The following PAK1 variants were observed in gnomAD, a reference collection of about 807,000 sequenced individuals.
The protein encoded by PAK1 is serine/threonine-protein kinase PAK 1.
PAK1 carries 29 observed loss-of-function variants against 67.4 expected under a neutral mutation model. That is an observed-to-expected ratio of 0.43 (90% confidence interval 0.32 to 0.59). The LOEUF is 0.59. Ranked by LOEUF, PAK1 falls within the 20% of genes least tolerant of loss-of-function variation. The pLI is 0.07. For synonymous variants in PAK1, 223 were observed against 237.4 expected (o/e 0.94, Z 0.56); for missense variants, 337 against 670.7 (o/e 0.50, Z 5.50).
intron 13 of PAK1, among the ~76,000 whole-genome samples, chr11:77,334,207 T>A (rs537119527): frequency 9.3e-5 from 14 of 150,962 alleles, no homozygotes; most frequent in African/African-American, 3.4e-4. Context: ...AATAAAAAAA[T>A]ATGCCTATGT....
At chr11:77,349,854 T>G (rs1428300578) in intron 8 of PAK1, among the ~76,000 whole-genome samples, 1 of 151,580 alleles carries the variant, frequency 6.6e-6, no homozygotes, top group Non-Finnish European at 1.5e-5. Flanking sequence ...TTTCAGAATG[T>G]GTTTGGGGGT....
intron 10 of PAK1, 140 bp downstream of exon 10, chr11:77,343,679 C>A: frequency 1.6e-6 from 1 of 644,000 alleles, no homozygotes; most frequent in Non-Finnish European, 2.8e-6. Context: ...TACACAGGGT[C>A]ACATACAGAG....
intron 1 of PAK1, among the ~76,000 whole-genome samples, chr11:77,429,056 TAAAAAAAAAAAA>T (rs566874549): frequency 0.014 from 668 of 48,926 alleles, 13 homozygotes; most frequent in African/African-American, 0.037. Context: ...CATTTAATAC[TAAAAAAAAAAAA>T]AAAAAAAAAA....
intron 1 of PAK1, among the ~76,000 whole-genome samples, chr11:77,409,111 A>T (rs931561156): frequency 2.7e-5 from 4 of 150,414 alleles, no homozygotes; most frequent in African/African-American, 7.3e-5. Flanking sequence ...AAAAAAAAAA[A>T]TTTTTTTTTT....
intron 1 of PAK1, among the ~76,000 whole-genome samples, chr11:77,465,110 G>A (rs950385362): frequency 3.9e-5 from 6 of 152,084 alleles, no homozygotes; most frequent in South Asian, 2.1e-4. Context: ...TCAATTATCC[G>A]GCAAGTGGCA....
intron 13 of PAK1, among the ~76,000 whole-genome samples, chr11:77,334,741 C>G (rs1438010002): frequency 6.6e-6 from 1 of 152,136 alleles, no homozygotes; most frequent in Non-Finnish European, 1.5e-5. Context: ...AGCACACAGA[C>G]ATCATCTTTT....
the PAK1 span, among the ~76,000 whole-genome samples, chr11:77,527,200 T>C: frequency 1.3e-5 from 2 of 152,036 alleles, no homozygotes; most frequent in Non-Finnish European, 2.9e-5. Context: ...CCTCCCAGGC[T>C]CAAGGAATCC....
At chr11:77,397,951 A>G (rs1036737771) in intron 1 of PAK1, among the ~76,000 whole-genome samples, 1 of 152,186 alleles carries the variant, frequency 6.6e-6, no homozygotes. Flanking sequence ...CTTCCCAGCA[A>G]AACTCAAACC....
chr11:77,493,910 T>A, the PAK1 span, among the ~76,000 whole-genome samples: 1 of 152,202 alleles, frequency 6.6e-6, no homozygotes, highest in Non-Finnish European at 1.5e-5. Flanking sequence ...ATTATTTCTG[T>A]CATATTTGGT....
chr11:77,342,053 T>A (rs1412493403), intron 10 of PAK1, among the ~76,000 whole-genome samples: 2 of 152,178 alleles, frequency 1.3e-5, no homozygotes, highest in Non-Finnish European at 2.9e-5. Flanking sequence ...TCACTAATGT[T>A]ATTAGGAGGT....
rs115790932 is a variant in PAK1 at position 77,473,613 on chromosome 11, A to C, written c.-83T>G. Reference sequence around the variant, plus strand: ...CTCCTCCCGGCGGTGGGTGCCGCCTAGCCGGGAGTGAGGGCGCGAGTGTGC... The same window carrying C: ...CTCCTCCCGGCGGTGGGTGCCGCCTCGCCGGGAGTGAGGGCGCGAGTGTGC... On this transcript the variant is annotated 5_prime_UTR_variant, in exon 1 of 15. Coordinates refer to ENST00000356341, the MANE Select transcript of PAK1 (RefSeq NM_002576.5). 0.023 allele frequency: 3,461 copies of C among 152,612 alleles called. 148 individuals are homozygous for C. Among genetic ancestry groups the C allele is most frequent in the African/African-American group, 0.08 (3,307 of 41,438 alleles). The allele number at this position is 152,612 out of a possible 1,614,324, so 9.5% of individuals were successfully genotyped here. A position where few individuals can be genotyped will look rare whatever the true frequency, so the allele number is the denominator to read the frequency against.
intron 1 of PAK1, among the ~76,000 whole-genome samples, chr11:77,432,706 A>C (rs1215252406): frequency 1.3e-5 from 2 of 152,162 alleles, no homozygotes; most frequent in African/African-American, 4.8e-5. Flanking sequence ...AATCTTGTAT[A>C]TAGAAAATTC....
intron 2 of PAK1, among the ~76,000 whole-genome samples, chr11:77,391,320 G>A (rs896698873): frequency 1.3e-5 from 2 of 152,200 alleles, no homozygotes; most frequent in Non-Finnish European, 2.9e-5. Flanking sequence ...AATACCTTCT[G>A]TGTGGAAGGT....
the PAK1 span, among the ~76,000 whole-genome samples, chr11:77,494,590 TAAAA>T: frequency 7.7e-6 from 1 of 130,564 alleles, no homozygotes; most frequent in Admixed American, 7.7e-5. Flanking sequence ...TAGCTACTAT[TAAAA>T]AAAAAAAAAA....
chr11:77,455,282 T>C (rs1957034165), intron 1 of PAK1, among the ~76,000 whole-genome samples: 1 of 147,496 alleles, frequency 6.8e-6, no homozygotes, highest in African/African-American at 2.6e-5. Flanking sequence ...CTTTCTAGCC[T>C]AGTAGGCACT....
At chr11:77,349,187 CA>C in intron 9 of PAK1, 51 bp downstream of exon 9, 1 of 1,387,502 alleles carries the variant, frequency 7.2e-7, no homozygotes, top group Admixed American at 1.9e-5. Flanking sequence ...AAATTAATCC[CA>C]AATAAAAAGA....
chr11:77,520,906 G>A, the PAK1 span, among the ~76,000 whole-genome samples: 1 of 152,236 alleles, frequency 6.6e-6, no homozygotes. Context: ...CCGAGTCCTG[G>A]CAACTGTGAC....
rs533977475 is a variant in PAK1 at position 77,344,027 on chromosome 11, T to C, written c.886-96A>G. On this transcript the variant is annotated intron_variant, in intron 9 of 14. Coordinates refer to ENST00000356341, the MANE Select transcript of PAK1 (RefSeq NM_002576.5). Reference sequence around the variant, plus strand: ...ACCTTAAGTACTCAGGAAACAAAGATGAGTAAGATACAGTCTTAGCCCTCG... The same window carrying C: ...ACCTTAAGTACTCAGGAAACAAAGACGAGTAAGATACAGTCTTAGCCCTCG... 163 of 798,434 alleles carry C rather than the reference T, an allele frequency of 2.0e-4. 1 individual carries two copies. In the African/African-American group the frequency reaches 2.4e-3, roughly 12 times the overall value. 49.5% of individuals were successfully genotyped at this position (798,434 alleles called of 1,614,324 possible).
chr11:77,490,347 A>G, the PAK1 span, among the ~76,000 whole-genome samples: 6,453 of 36,308 alleles, frequency 0.18, 1 homozygote, highest in Middle Eastern at 0.28. Context: ...TCAGCCCCCC[A>G]CCCGGCCAGC....
Sources: allele counts gnomAD v4.1 joint callset (sites outside exome capture counted in the v4.1 genomes callset), GRCh38; gene constraint gnomAD v4.1.1; transcripts MANE v1.5; gene names NCBI Gene and HGNC (gene_info 2026-07-23, HGNC 2026-07-21).